Variants in CNTN6 observed in about 807,000 individuals in gnomAD.
CNTN6 encodes the protein contactin-6.
Under a neutral mutation model 122.8 loss-of-function variants are expected in CNTN6, and 137 were observed. The observed-to-expected ratio is 1.12, with a 90% CI of 0.97 to 1.29. The LOEUF is 1.29. Ranked by LOEUF, CNTN6 falls within the 50% of genes most tolerant of loss-of-function variation. The pLI, the probability that CNTN6 is intolerant of heterozygous loss-of-function variation, is 0.00. For synonymous variants in CNTN6, 570 were observed against 426.0 expected, an observed-to-expected ratio of 1.34 and a Z score of -4.16; for missense variants, 1,634 against 1,223.4, an observed-to-expected ratio of 1.34 and a Z score of -5.01.
At chr3:1,148,135 C>A in intron 2 of CNTN6, 72 bp downstream of exon 2, 2 of 1,193,310 alleles carry the variant, frequency 1.7e-6, no homozygotes, top group South Asian at 1.4e-5. Context: ...ATGGGTGAAG[C>A]AATTTTCAAA....
intron 4 of CNTN6, among the ~76,000 whole-genome samples, chr3:1,241,620 G>A (rs550106607): frequency 6.6e-6 from 1 of 152,024 alleles, no homozygotes; most frequent in Admixed American, 6.6e-5. Context: ...TGCCCAAGGG[G>A]GTTCAGCATA....
chr3:1,346,666 C>T (rs1019067795), intron 11 of CNTN6, among the ~76,000 whole-genome samples: 1 of 152,092 alleles, frequency 6.6e-6, no homozygotes, highest in African/African-American at 2.4e-5. Flanking sequence ...CCAAATAAAC[C>T]ATTTTTCTTT....
At chr3:1,242,822 A>G (rs943892747) in intron 4 of CNTN6, among the ~76,000 whole-genome samples, 10 of 152,004 alleles carry the variant, frequency 6.6e-5, no homozygotes, top group Non-Finnish European at 8.8e-5. Flanking sequence ...AAAAGAGTCC[A>G]TAAAAGAGTG....
intron 2 of CNTN6, among the ~76,000 whole-genome samples, chr3:1,213,978 G>A (rs115392574): frequency 4.0e-5 from 6 of 151,882 alleles, no homozygotes; most frequent in Admixed American, 1.3e-4. Flanking sequence ...TGATACTAGC[G>A]CTCATACTAG....
chr3:1,388,029 G>A (rs1265490974), intron 20 of CNTN6, among the ~76,000 whole-genome samples: 1 of 152,296 alleles, frequency 6.6e-6, no homozygotes, highest in South Asian at 2.1e-4. Flanking sequence ...AAACAAAGCA[G>A]CCAGGAAGCT....
At chr3:1,154,413 G>A (rs1362803877) in intron 2 of CNTN6, among the ~76,000 whole-genome samples, 1 of 151,356 alleles carries the variant, frequency 6.6e-6, no homozygotes, top group African/African-American at 2.4e-5. Flanking sequence ...AAAATAGCAT[G>A]GAAGGATTCA....
chr3:1,226,325 T>C (rs1286116115), intron 3 of CNTN6, among the ~76,000 whole-genome samples: 3 of 152,126 alleles, frequency 2.0e-5, no homozygotes, highest in South Asian at 2.1e-4. Flanking sequence ...CTGGCTATAT[T>C]CCATAGGAAA....
chr3:1,327,758 T>C (rs1701742971), intron 10 of CNTN6, among the ~76,000 whole-genome samples, 172 bp downstream of exon 10: 1 of 151,834 alleles, frequency 6.6e-6, no homozygotes, highest in African/African-American at 2.4e-5. Context: ...ATTATTCTGC[T>C]TGGGCAATGC....
chr3:1,241,896 C>G (rs1379584238), intron 4 of CNTN6, among the ~76,000 whole-genome samples: 3 of 152,152 alleles, frequency 2.0e-5, no homozygotes, highest in Admixed American at 6.5e-5. Context: ...CCGCTGCACG[C>G]AGACATGAGG....
chr3:1,250,466 G>T (rs2094646955), intron 4 of CNTN6, among the ~76,000 whole-genome samples: 1 of 152,132 alleles, frequency 6.6e-6, no homozygotes, highest in Non-Finnish European at 1.5e-5. Flanking sequence ...AGTGAAGAAG[G>T]TGTCTTGGCA....
chr3:1,401,433 C>G lies in CNTN6; in HGVS notation c.2705C>G (p.Pro902Arg). The change falls in exon 21 of 23, where the codon CCT (proline) becomes CGT (arginine). Residue 902 changes from proline (P) to arginine (R), a missense_variant and splice_region_variant. Physicochemically the swap from Pro to Arg is moderately radical, Grantham distance 103 (BLOSUM62 -2). Coordinates refer to ENST00000446702, the MANE Select transcript of CNTN6 (RefSeq NM_001289080.2). ...PPVNVTTKKS[P>R]PSQPPANIAW... is the part of the protein sequence containing the mutation. Reference sequence around the variant, plus strand: ...TGGATCTTTGATTATCTCTTTAAAGCTCCAAGCCAACCACCAGCAAACATT... The same window carrying G: ...TGGATCTTTGATTATCTCTTTAAAGGTCCAAGCCAACCACCAGCAAACATT... 1 of 1,610,306 alleles carries G rather than the reference C, an allele frequency of 6.2e-7. No homozygotes were observed. Among genetic ancestry groups the G allele is most frequent in the South Asian group, 1.1e-5 (1 of 90,890 alleles).
chr3:1,168,219 T>C, intron 2 of CNTN6, among the ~76,000 whole-genome samples: 1 of 151,926 alleles, frequency 6.6e-6, no homozygotes, highest in East Asian at 1.9e-4. Context: ...GGAAATGTTA[T>C]TAACCCTGTG....
chr3:1,221,606 G>A (rs1361695210), intron 3 of CNTN6, among the ~76,000 whole-genome samples: 2 of 152,146 alleles, frequency 1.3e-5, no homozygotes, highest in African/African-American at 2.4e-5. Flanking sequence ...GGAATTCTAG[G>A]GAGAAAGGGT....
chr3:1,292,485 A>G (rs1695495634), intron 5 of CNTN6, among the ~76,000 whole-genome samples: 1 of 152,166 alleles, frequency 6.6e-6, no homozygotes, highest in South Asian at 2.1e-4. Flanking sequence ...GAAAACACAG[A>G]TCCCATGATA....
intron 1 of CNTN6, among the ~76,000 whole-genome samples, chr3:1,137,056 C>T (rs1309439560): frequency 1.3e-5 from 2 of 152,168 alleles, no homozygotes; most frequent in African/African-American, 4.8e-5. Flanking sequence ...TCCTGGCACC[C>T]CATTCTGTCT....
chr3:1,098,785 CACACAT>C (rs1482051899), intron 1 of CNTN6, among the ~76,000 whole-genome samples: 26 of 49,558 alleles, frequency 5.2e-4, no homozygotes, highest in African/African-American at 1.1e-3. Context: ...CACACACACA[CACACAT>C]ATATATATAT....
At chr3:1,241,973 G>C (rs1331584072) in intron 4 of CNTN6, among the ~76,000 whole-genome samples, 7 of 152,194 alleles carry the variant, frequency 4.6e-5, no homozygotes, top group African/African-American at 1.7e-4. Flanking sequence ...CCTGGCTCTT[G>C]TGTAAGAATT....
At chr3:1,225,699 G>GTTTTT (rs35640182) in intron 3 of CNTN6, among the ~76,000 whole-genome samples, 1 of 109,628 alleles carries the variant, frequency 9.1e-6, no homozygotes, top group Non-Finnish European at 1.8e-5. Context: ...TTTTATTATT[G>GTTTTT]TTTTTTTTTT....
At chr3:1,195,737 C>T (rs1453334130) in intron 2 of CNTN6, among the ~76,000 whole-genome samples, 1 of 152,156 alleles carries the variant, frequency 6.6e-6, no homozygotes, top group Non-Finnish European at 1.5e-5. Context: ...ATAGTCAACT[C>T]TTGTGGCTAT....
Sources: allele counts gnomAD v4.1 joint callset (sites outside exome capture counted in the v4.1 genomes callset), GRCh38; gene constraint gnomAD v4.1.1; transcripts MANE v1.5; gene names NCBI Gene and HGNC (gene_info 2026-07-23, HGNC 2026-07-21).